The following GRM7 variants were observed in gnomAD, a reference collection of about 807,000 sequenced individuals.
The protein encoded by GRM7 is metabotropic glutamate receptor 7.
A neutral mutation model predicts 84.5 loss-of-function variants in GRM7; 35 were observed. That is an observed-to-expected ratio of 0.41 (90% confidence interval 0.32 to 0.55). The LOEUF (loss-of-function observed/expected upper bound fraction) is 0.55. Among genes scored for constraint, GRM7 ranks in the 20% least tolerant of loss-of-function variants. The pLI is 0.19. For missense variants in GRM7, 1,003 were observed against 1,194.6 expected, an observed-to-expected ratio of 0.84 and a Z score of 2.36; for synonymous variants, 487 against 455.1, an observed-to-expected ratio of 1.07 and a Z score of -0.89.
chr3:7,645,150 T>G (rs1161368848), intron 8 of GRM7, among the ~76,000 whole-genome samples: 1 of 152,116 alleles, frequency 6.6e-6, no homozygotes, highest in Non-Finnish European at 1.5e-5. Context: ...ACTAAGACCT[T>G]GCCTCAGAAA....
intron 8 of GRM7, among the ~76,000 whole-genome samples, chr3:7,677,937 C>G (rs933214040): frequency 2.0e-5 from 3 of 152,026 alleles, no homozygotes; most frequent in Admixed American, 1.3e-4. Flanking sequence ...AAAGAACAAA[C>G]CATGTTGAAC....
chr3:6,960,202 T>G (rs1693237066), intron 1 of GRM7, among the ~76,000 whole-genome samples: 1 of 152,152 alleles, frequency 6.6e-6, no homozygotes, highest in South Asian at 2.1e-4. Flanking sequence ...CCCCAATCCA[T>G]TCCCCTGCTC....
intron 1 of GRM7, among the ~76,000 whole-genome samples, chr3:6,944,675 G>A (rs968105054): frequency 6.6e-5 from 10 of 152,022 alleles, no homozygotes; most frequent in Non-Finnish European, 1.3e-4. Context: ...TTGCTATCTG[G>A]ATAAATTTAG....
intron 5 of GRM7, among the ~76,000 whole-genome samples, chr3:7,423,597 A>G (rs1165932607): frequency 6.6e-6 from 1 of 152,146 alleles, no homozygotes; most frequent in Non-Finnish European, 1.5e-5. Flanking sequence ...ACAGTAGAAT[A>G]TAGCCTTCCT....
At chr3:6,989,232 A>C (rs1471160586) in intron 1 of GRM7, among the ~76,000 whole-genome samples, 1 of 152,230 alleles carries the variant, frequency 6.6e-6, no homozygotes, top group Non-Finnish European at 1.5e-5. Flanking sequence ...TTCAAAAGAA[A>C]TTATGTACTT....
intron 1 of GRM7, among the ~76,000 whole-genome samples, chr3:6,994,152 G>A (rs1157968134): frequency 6.6e-6 from 1 of 152,178 alleles, no homozygotes; most frequent in East Asian, 1.9e-4. Context: ...TGAGCCAATA[G>A]AGGCCATCGA....
At chr3:6,869,896 C>T (rs1264450006) in intron 1 of GRM7, among the ~76,000 whole-genome samples, 1 of 152,042 alleles carries the variant, frequency 6.6e-6, no homozygotes, top group East Asian at 1.9e-4. Flanking sequence ...TTTACTCCTT[C>T]TTTCCTTATC....
At chr3:6,979,436 C>A (rs1004252912) in intron 1 of GRM7, among the ~76,000 whole-genome samples, 4 of 152,124 alleles carry the variant, frequency 2.6e-5, no homozygotes, top group Admixed American at 6.5e-5. Flanking sequence ...ATGTGCTTTG[C>A]AGACATTTTG....
chr3:7,150,660 A>G (rs1445781882), intron 2 of GRM7, among the ~76,000 whole-genome samples: 1 of 152,248 alleles, frequency 6.6e-6, no homozygotes, highest in African/African-American at 2.4e-5. Flanking sequence ...GAATGAATGC[A>G]CATGCAATAG....
intron 9 of GRM7, among the ~76,000 whole-genome samples, chr3:7,700,771 G>GA (rs1243566722): frequency 2.0e-5 from 3 of 151,974 alleles, no homozygotes; most frequent in Admixed American, 1.3e-4. Context: ...CATTGTTAGG[G>GA]AAAAAAAGGA....
intron 5 of GRM7, among the ~76,000 whole-genome samples, chr3:7,421,847 T>C (rs1696407789): frequency 6.6e-6 from 1 of 150,796 alleles, no homozygotes; most frequent in South Asian, 2.1e-4. Context: ...AATACATTTT[T>C]AATACTGTAT....
chr3:7,432,659 A>G (rs1235962845), intron 5 of GRM7, among the ~76,000 whole-genome samples: 1 of 152,078 alleles, frequency 6.6e-6, no homozygotes, highest in Non-Finnish European at 1.5e-5. Flanking sequence ...TAGAAATAAT[A>G]GATTTAGAAT....
At chr3:7,652,867 C>CT (rs776708910) in intron 8 of GRM7, among the ~76,000 whole-genome samples, 11 of 152,098 alleles carry the variant, frequency 7.2e-5, no homozygotes, top group Non-Finnish European at 1.3e-4. Context: ...AGGCAAGGAC[C>CT]AGGGCTAAGT....
At chr3:7,699,571 AC>A (rs1482695895) in intron 9 of GRM7, among the ~76,000 whole-genome samples, 1 of 152,222 alleles carries the variant, frequency 6.6e-6, no homozygotes, top group African/African-American at 2.4e-5. Context: ...AGTAGACAAC[AC>A]TGATCTAATC....
chr3:7,402,244 G>A (rs1355422965), intron 4 of GRM7, among the ~76,000 whole-genome samples: 4 of 152,162 alleles, frequency 2.6e-5, no homozygotes, highest in African/African-American at 4.8e-5. Flanking sequence ...GCACAGATAA[G>A]GTTACGTGCT....
At chr3:6,944,103 A>G (rs1213842666) in intron 1 of GRM7, among the ~76,000 whole-genome samples, 1 of 151,974 alleles carries the variant, frequency 6.6e-6, no homozygotes, top group Non-Finnish European at 1.5e-5. Context: ...TTTTCTATAT[A>G]TGTGACCATA....
intron 8 of GRM7, chr3:7,607,221 C>T (rs1465759082): frequency 6.6e-6 from 1 of 152,110 alleles, no homozygotes; most frequent in African/African-American, 2.4e-5. Context: ...TATTAATATG[C>T]AATGCTTTTA....
intron 2 of GRM7, among the ~76,000 whole-genome samples, chr3:7,217,111 A>G (rs779683482): frequency 7.9e-5 from 12 of 152,346 alleles, no homozygotes; most frequent in Non-Finnish European, 1.8e-4. Flanking sequence ...CAAAAAAGAC[A>G]AAATGCCTTT....
intron 8 of GRM7, among the ~76,000 whole-genome samples, chr3:7,644,213 C>CATATATAT: frequency 7.4e-6 from 1 of 134,768 alleles, no homozygotes; most frequent in African/African-American, 3.0e-5. Context: ...TATGTCTGTA[C>CATATATAT]ATATATATGT....
Sources: gnomAD v4.1 joint callset for allele counts (sites outside exome capture counted in the v4.1 genomes callset) on GRCh38, gnomAD v4.1.1 for gene constraint, MANE v1.5 for transcripts, NCBI Gene and HGNC (gene_info 2026-07-23, HGNC 2026-07-21) for gene names.